The following COL11A1 variants were observed in gnomAD, a reference collection of about 807,000 sequenced individuals.
The protein encoded by COL11A1 is collagen type XI alpha 1 chain, also known as collagen alpha-1(XI) chain.
In COL11A1, 74 loss-of-function variants were observed where a neutral mutation model predicts 265.2. That is an observed-to-expected ratio of 0.28 (90% CI 0.23 to 0.34). The LOEUF is 0.34. Ranked by LOEUF, COL11A1 falls within the 10% of genes least tolerant of loss-of-function variation. The probability of loss-of-function intolerance (pLI) is 1.00; values close to 1 mark genes in which losing one functional copy is unlikely to be tolerated. For missense variants in COL11A1, 2,165 were observed against 2,263.6 expected, an observed-to-expected ratio of 0.96 and a Z score of 0.88; for synonymous variants, 816 against 727.6, an observed-to-expected ratio of 1.12 and a Z score of -1.96.
intron 4 of COL11A1, among the ~76,000 whole-genome samples, chr1:103,068,348 G>A (rs184863940): frequency 9.9e-5 from 15 of 151,394 alleles, no homozygotes; most frequent in African/African-American, 2.4e-4. Flanking sequence ...AAAAAAACCC[G>A]CATGATCATT....
At chr1:103,006,404 T>C in intron 15 of COL11A1, 89 bp from the exon 16 acceptor site, 1 of 935,730 alleles carries the variant, frequency 1.1e-6, no homozygotes, top group Admixed American at 2.3e-5. Flanking sequence ...CAGAAACTAA[T>C]ATCCTCTTAG....
intron 4 of COL11A1, among the ~76,000 whole-genome samples, chr1:103,036,243 C>A (rs1363398713): frequency 1.3e-5 from 2 of 149,112 alleles, no homozygotes; most frequent in African/African-American, 2.5e-5. Flanking sequence ...GATAGAAATT[C>A]TAGAATGCCA....
chr1:102,906,512 A>G (rs886368171), intron 54 of COL11A1, among the ~76,000 whole-genome samples: 1 of 152,078 alleles, frequency 6.6e-6, no homozygotes, highest in Admixed American at 6.6e-5. Context: ...GGCTCATGCA[A>G]TCCTCCCACC....
At chr1:102,967,854 A>G (rs996749797) in intron 37 of COL11A1, among the ~76,000 whole-genome samples, 2 of 152,226 alleles carry the variant, frequency 1.3e-5, no homozygotes, top group Non-Finnish European at 2.9e-5. Context: ...AAATATTGCA[A>G]TAATAATTAA....
At chr1:102,959,174 T>C (rs1660649167) in intron 41 of COL11A1, among the ~76,000 whole-genome samples, 1 of 152,196 alleles carries the variant, frequency 6.6e-6, no homozygotes, top group East Asian at 1.9e-4. Context: ...CTTCAATTTG[T>C]TTACTCCACT....
intron 31 of COL11A1, among the ~76,000 whole-genome samples, chr1:102,983,066 A>G (rs1387459782): frequency 6.6e-6 from 1 of 152,044 alleles, no homozygotes; most frequent in African/African-American, 2.4e-5. Context: ...TTAATAATCA[A>G]CATTTATATA....
chr1:102,934,435 C>T lies in COL11A1; in HGVS notation c.3600+14G>A, dbSNP rs774149721. On this transcript the variant is annotated intron_variant, in intron 46 of 66. Coordinates refer to ENST00000370096, the MANE Select transcript of COL11A1 (RefSeq NM_001854.4). ...GTAGAAATGATGGAGTAAACAATGA[C>T]AGGATCATCTTACCTGAAGACCTAT... 1.3e-6 allele frequency: 2 copies of T among 1,553,920 alleles called. No individual in the cohort carries two copies. Among genetic ancestry groups the T allele is most frequent in the South Asian group, 2.2e-5 (2 of 89,872 alleles).
rs1650485367 is a variant in COL11A1 at position 102,883,257 on chromosome 1, T to C, written c.4913A>G (p.Tyr1638Cys). 1 of 1,613,676 alleles carries C rather than the reference T, an allele frequency of 6.2e-7. No individual in the cohort carries two copies. Among genetic ancestry groups the C allele is most frequent in the Non-Finnish European group, 8.5e-7 (1 of 1,179,756 alleles). ...QGCSGDSFKV[Y>C]CNFTSGGETC... ...CTCACCACCAGATGTGAAATTACAG[T>C]AAACTTTGAAGGAATCTCCTGAGCA... The change falls in exon 64 of 67, where the codon TAC (tyrosine) becomes TGC (cysteine). Residue 1638 changes from tyrosine to cysteine, a missense_variant. Physicochemically the swap from Tyr to Cys is radical, Grantham distance 194. Coordinates refer to ENST00000370096, the MANE Select transcript of COL11A1 (RefSeq NM_001854.4).
At chr1:103,104,257 G>T (rs2102432201) in intron 1 of COL11A1, among the ~76,000 whole-genome samples, 1 of 152,074 alleles carries the variant, frequency 6.6e-6, no homozygotes. Flanking sequence ...AGAGTGAAGA[G>T]AATTTATCCT....
chr1:103,046,077 A>G (rs1350062183), intron 4 of COL11A1, among the ~76,000 whole-genome samples: 1 of 151,518 alleles, frequency 6.6e-6, no homozygotes, highest in Non-Finnish European at 1.5e-5. Flanking sequence ...TGCAATAAAC[A>G]TACGTGTGCA....
chr1:103,045,803 G>A (rs371701885), intron 4 of COL11A1, among the ~76,000 whole-genome samples: 10 of 145,060 alleles, frequency 6.9e-5, no homozygotes, highest in East Asian at 2.0e-4. Flanking sequence ...GGTGTGTGAC[G>A]TTCCCCTTCC....
chr1:102,979,261 C>T, intron 32 of COL11A1, 121 bp downstream of exon 32: 3 of 1,213,030 alleles, frequency 2.5e-6, no homozygotes, highest in Non-Finnish European at 2.4e-6. Context: ...TGGCCTGGAA[C>T]TCCGGGATTC....
chr1:103,099,140 C>T (rs1674029132), intron 1 of COL11A1, among the ~76,000 whole-genome samples: 1 of 151,568 alleles, frequency 6.6e-6, no homozygotes, highest in South Asian at 2.1e-4. Context: ...GGATTCTGTT[C>T]TAGATGAAAT....
rs189222165 is a variant in COL11A1 at position 103,043,420 on chromosome 1, C to A, written c.652-12176G>T. ...ACTTAACCAGTCAATCTATTTTGTT[C>A]AATTAAATTCACTGGAATATAAACT... On this transcript the variant is annotated intron_variant, in intron 4 of 66. Transcript: ENST00000370096. Among the ~76,000 whole-genome samples, 397 of 151,876 alleles carry A rather than the reference C, an allele frequency of 2.6e-3. 2 individuals are homozygous for A. The highest frequency in any genetic ancestry group is 5.6e-3 in the South Asian group (27 of 4,826).
chr1:102,965,996 T>C (rs1661368097), intron 37 of COL11A1, among the ~76,000 whole-genome samples: 1 of 152,182 alleles, frequency 6.6e-6, no homozygotes, highest in Non-Finnish European at 1.5e-5. Flanking sequence ...TAAAAATAGA[T>C]CTACTAAAAT....
chr1:103,093,682 G>A (rs1315503885), intron 1 of COL11A1, among the ~76,000 whole-genome samples: 6 of 152,088 alleles, frequency 3.9e-5, no homozygotes, highest in Non-Finnish European at 5.9e-5. Flanking sequence ...TGGTTCTGTC[G>A]ATATTTTGTC....
At chr1:103,045,951 A>AT (rs755785238) in intron 4 of COL11A1, among the ~76,000 whole-genome samples, 1 of 151,398 alleles carries the variant, frequency 6.6e-6, no homozygotes, top group African/African-American at 2.4e-5. Context: ...TGAACTCATC[A>AT]TTTTTTTATG....
intron 42 of COL11A1, among the ~76,000 whole-genome samples, chr1:102,942,473 T>C (rs1192519722): frequency 1.3e-5 from 2 of 152,166 alleles, no homozygotes; most frequent in Non-Finnish European, 1.5e-5. Context: ...CTCCATTATG[T>C]ATCTCTTGGC....
Position 103,107,387 on chromosome 1 carries a change from G to A in COL11A1, c.106+686C>T, listed in dbSNP as rs1294450762. Among the ~76,000 whole-genome samples the A allele has an allele frequency of 2.0e-5, 3 of 151,862 alleles. No individual in the cohort carries two copies. The East Asian group carries it at 5.8e-4, about 30-fold the overall frequency. ...CCAACCTGCAAGAAGAAGCGGAGGG[G>A]TGGGGTGGGGGGAGTCACTGAAATT... On this transcript the variant is annotated intron_variant, in intron 1 of 66. Coordinates refer to ENST00000370096, the MANE Select transcript of COL11A1 (RefSeq NM_001854.4).
Sources: allele counts gnomAD v4.1 joint callset (sites outside exome capture counted in the v4.1 genomes callset), GRCh38; gene constraint gnomAD v4.1.1; transcripts MANE v1.5; gene names NCBI Gene and HGNC (gene_info 2026-07-23, HGNC 2026-07-21).